GRAMD2B: variants seen among roughly 807,000 people sequenced by gnomAD.
The protein encoded by GRAMD2B is GRAM domain containing 2B.
Under a neutral mutation model 59.2 loss-of-function variants are expected in GRAMD2B, and 41 were observed. The observed-to-expected ratio is 0.69, with a 90% CI of 0.54 to 0.90. GRAMD2B has a LOEUF of 0.90. GRAMD2B is among the 40% of genes least tolerant of loss of function. The pLI, the probability that GRAMD2B is intolerant of heterozygous loss-of-function variation, is 0.00. For synonymous variants in GRAMD2B, 161 were observed against 182.7 expected (o/e 0.88, Z 0.96); for missense variants, 424 against 500.5 (o/e 0.85, Z 1.46).
chr5:126,448,628 G>T (rs560335898), intron 1 of GRAMD2B, among the ~76,000 whole-genome samples: 13 of 152,222 alleles, frequency 8.5e-5, no homozygotes, highest in African/African-American at 2.9e-4. Flanking sequence ...AGGTATAGTG[G>T]TCCAGGCAGG....
chr5:126,392,390 C>CA (rs1756899789), intron 1 of GRAMD2B, among the ~76,000 whole-genome samples: 1 of 152,142 alleles, frequency 6.6e-6, no homozygotes, highest in South Asian at 2.1e-4. Context: ...TGATAGGGCA[C>CA]AGAGAGCACA....
At chr5:126,409,515 G>A (rs539669191) in intron 1 of GRAMD2B, among the ~76,000 whole-genome samples, 66 of 152,122 alleles carry the variant, frequency 4.3e-4, no homozygotes, top group African/African-American at 1.1e-3. Context: ...CATGTCCTTC[G>A]CCAACTTTTT....
chr5:126,393,012 C>A (rs1756976661), intron 1 of GRAMD2B, among the ~76,000 whole-genome samples: 1 of 152,192 alleles, frequency 6.6e-6, no homozygotes, highest in Non-Finnish European at 1.5e-5. Context: ...CAGTTTGTTA[C>A]AAAATACATA....
intron 1 of GRAMD2B, among the ~76,000 whole-genome samples, chr5:126,374,720 C>T (rs1481402031): frequency 2.0e-5 from 3 of 152,102 alleles, no homozygotes; most frequent in Non-Finnish European, 4.4e-5. Context: ...TGAATTAGGG[C>T]ATCATTCTAA....
At chr5:126,448,844 C>T (rs11952690) in intron 1 of GRAMD2B, among the ~76,000 whole-genome samples, 40,834 of 151,996 alleles carry the variant, frequency 0.27, 5,775 homozygotes, top group African/African-American at 0.37. Context: ...ATCTTTGTTT[C>T]CTTATTTGTG....
intron 5 of GRAMD2B, among the ~76,000 whole-genome samples, chr5:126,474,888 G>A (rs1770287738): frequency 6.6e-6 from 1 of 152,176 alleles, no homozygotes; most frequent in African/African-American, 2.4e-5. Context: ...AAATTAGCAG[G>A]CCATGGGAAT....
At chr5:126,481,243 GAAAGAAAAGA>G (rs1771776541) in intron 8 of GRAMD2B, among the ~76,000 whole-genome samples, 2 of 81,638 alleles carry the variant, frequency 2.4e-5, no homozygotes, top group Admixed American at 1.2e-4. Flanking sequence ...AAGAAAGAAA[GAAAGAAAAGA>G]AAAAAAAAGA....
intron 1 of GRAMD2B, among the ~76,000 whole-genome samples, chr5:126,443,497 C>A (rs1763646885): frequency 6.6e-6 from 1 of 152,176 alleles, no homozygotes; most frequent in African/African-American, 2.4e-5. Context: ...AACAGGACCC[C>A]TGCAGACAAA....
At chr5:126,377,524 C>T (rs917496703) in intron 1 of GRAMD2B, among the ~76,000 whole-genome samples, 1 of 152,198 alleles carries the variant, frequency 6.6e-6, no homozygotes, top group African/African-American at 2.4e-5. Flanking sequence ...CCTATTTTTC[C>T]TCTTTCACAC....
intron 1 of GRAMD2B, among the ~76,000 whole-genome samples, chr5:126,375,492 C>A (rs575378000): frequency 6.6e-6 from 1 of 152,058 alleles, no homozygotes; most frequent in East Asian, 1.9e-4. Context: ...GCCTCAGCCT[C>A]CCGAGTGGCT....
chr5:126,471,076 T>G (rs1362908482), intron 3 of GRAMD2B, among the ~76,000 whole-genome samples: 1 of 152,180 alleles, frequency 6.6e-6, no homozygotes, highest in Non-Finnish European at 1.5e-5. Context: ...ATAGTTGACT[T>G]GCAGGGACCA....
intron 6 of GRAMD2B, 25 bp from the exon 7 acceptor site, chr5:126,480,431 A>C: frequency 1.3e-6 from 2 of 1,537,112 alleles, no homozygotes; most frequent in Non-Finnish European, 1.8e-6. Context: ...ATATCTATTC[A>C]TAATTATCCT....
chr5:126,481,727 G>A (rs1771876891), intron 8 of GRAMD2B, among the ~76,000 whole-genome samples: 1 of 152,168 alleles, frequency 6.6e-6, no homozygotes, highest in African/African-American at 2.4e-5. Flanking sequence ...CAGCACTTTG[G>A]GAGGCCGAGG....
In GRAMD2B at chr5:126,452,293, G is replaced by T. The variant is rs1581084533; in HGVS notation, c.84-13133G>T. ...AGGGACTAATGAGCTCCCTACAAGG[G>T]CATTAATCCCATTCATGAGGGCTCT... On this transcript the variant is annotated intron_variant, in intron 1 of 13. Coordinates refer to ENST00000285689, the MANE Select transcript of GRAMD2B (RefSeq NM_023927.4). Among the ~76,000 whole-genome samples the T allele has an allele frequency of 2.6e-5, 4 of 152,050 alleles. No homozygotes were observed. In the South Asian group the frequency reaches 6.2e-4, roughly 24 times the overall value.
chr5:126,432,089 T>C (rs112411134), intron 1 of GRAMD2B, among the ~76,000 whole-genome samples: 1,646 of 151,898 alleles, frequency 0.011, 20 homozygotes, highest in African/African-American at 0.038. Context: ...CCACCAGGCC[T>C]GGCTATTTTT....
intron 1 of GRAMD2B, among the ~76,000 whole-genome samples, chr5:126,391,755 T>C (rs1756813599): frequency 6.6e-6 from 1 of 152,148 alleles, no homozygotes; most frequent in South Asian, 2.1e-4. Context: ...AGGGAAGGAA[T>C]GATGGGGATT....
At chr5:126,400,369 G>A (rs1185754814) in intron 1 of GRAMD2B, among the ~76,000 whole-genome samples, 4 of 151,984 alleles carry the variant, frequency 2.6e-5, no homozygotes, top group Admixed American at 2.6e-4. Flanking sequence ...TACAGTTTAT[G>A]TTATTAATGT....
At chr5:126,374,851 A>G (rs1755050082) in intron 1 of GRAMD2B, among the ~76,000 whole-genome samples, 1 of 152,222 alleles carries the variant, frequency 6.6e-6, no homozygotes, top group African/African-American at 2.4e-5. Flanking sequence ...ACTTTATAAT[A>G]AAAAATCTGC....
At position 126,365,960 on chromosome 5, in the gene GRAMD2B, G is replaced by A. The variant is rs368233527; in HGVS notation, c.128+5501G>A. 1.1e-4 allele frequency among the ~76,000 whole-genome samples: 16 copies of A among 152,246 alleles called. No homozygotes were observed. The East Asian group carries it at 2.7e-3, about 26-fold the overall frequency. On this transcript the variant is annotated intron_variant, in intron 1 of 13. Coordinates refer to the GRAMD2B transcript ENST00000513040. ...CCCCAAATGCACACAAAAAAAGAAA[G>A]ATTATCTAAAGTCCAATCTTGCCAT...
Sources: allele counts gnomAD v4.1 joint callset (sites outside exome capture counted in the v4.1 genomes callset), GRCh38; gene constraint gnomAD v4.1.1; transcripts MANE v1.5; gene names NCBI Gene and HGNC (gene_info 2026-07-23, HGNC 2026-07-21).